The following RNF216 variants were observed in gnomAD, a reference collection of about 807,000 sequenced individuals.
RNF216 encodes the protein E3 ubiquitin-protein ligase RNF216.
A neutral mutation model predicts 110.8 loss-of-function variants in RNF216; 72 were observed. The observed-to-expected ratio is 0.65, with a 90% CI of 0.54 to 0.79. RNF216 has a LOEUF of 0.79. RNF216 is among the 30% of genes least tolerant of loss of function. The pLI, the probability that RNF216 is intolerant of heterozygous loss-of-function variation, is 0.00. For missense variants in RNF216, 1,342 were observed against 1,141.2 expected (o/e 1.18, Z -2.54); for synonymous variants, 495 against 407.5 (o/e 1.21, Z -2.59).
chr7:5,768,189 G>C (rs893158071), intron 1 of RNF216, among the ~76,000 whole-genome samples: 2 of 151,446 alleles, frequency 1.3e-5, no homozygotes, highest in Non-Finnish European at 2.9e-5. Context: ...GGTAGCTCAT[G>C]CCTGTAATCC....
rs770928352 is a variant in RNF216 at position 5,729,551 on chromosome 7, C to A, written c.1270G>T (p.Asp424Tyr). 1 of 1,613,920 alleles carries A rather than the reference C, an allele frequency of 6.2e-7. No individual in the cohort carries two copies. The highest frequency in any genetic ancestry group is 8.5e-7 in the Non-Finnish European group (1 of 1,180,028). Residue 424 changes from aspartate (D) to tyrosine (Y), a missense_variant, in exon 7 of 17, where the codon GAC becomes TAC. Physicochemically the swap from Asp to Tyr is radical, Grantham distance 160 (BLOSUM62 -3). Transcript: ENST00000389902. ...FFDYSKLTPL[D>Y]QRCFIQAADL... The stretch of plus-strand genomic sequence containing the variant: ...GCAGCTTGGATGAAGCAGCGCTGGT[C>A]AAGAGGGGTCAATTTAGAATAGTCA...
rs371149121 is a variant in RNF216, at chr7:5,715,686, T to TATTG, written c.1696-500_1696-497dup. Among the ~76,000 whole-genome samples the TATTG allele has an allele frequency of 8.9e-4, 135 of 152,136 alleles. 1 individual carries two copies. The highest frequency in any genetic ancestry group is 1.5e-3 in the Admixed American group (23 of 15,280). On this transcript the variant is annotated intron_variant, in intron 10 of 16. Transcript: ENST00000389902. ...AGCAACCTCAAGTAATGTACCAGGC[T>TATTG]ATTGACTCCTTTTATTAACTATAGC... is the stretch of plus-strand genomic sequence containing the variant.
chr7:5,752,062 G>A (rs943330607), intron 3 of RNF216, among the ~76,000 whole-genome samples: 2 of 152,046 alleles, frequency 1.3e-5, no homozygotes, highest in African/African-American at 4.8e-5. Flanking sequence ...GCGGGCGCCT[G>A]TAATCCCAGC....
At chr7:5,656,971 T>C (rs574511522) in intron 13 of RNF216, among the ~76,000 whole-genome samples, 3 of 152,224 alleles carry the variant, frequency 2.0e-5, no homozygotes, top group African/African-American at 7.2e-5. Context: ...CAAAAGAAAA[T>C]CTGAGCCCAC....
chr7:5,638,298 C>T (rs1308593779), intron 15 of RNF216, among the ~76,000 whole-genome samples: 1 of 152,188 alleles, frequency 6.6e-6, no homozygotes, highest in Non-Finnish European at 1.5e-5. Flanking sequence ...GACATATCTC[C>T]TGTTTTTTGG....
At chr7:5,737,686 C>T (rs1164008530) in intron 5 of RNF216, among the ~76,000 whole-genome samples, 3 of 152,200 alleles carry the variant, frequency 2.0e-5, no homozygotes. Context: ...TGGAAAGGGG[C>T]CCTTCCTTCT....
intron 13 of RNF216, among the ~76,000 whole-genome samples, chr7:5,655,315 G>A (rs1270727330): frequency 6.6e-6 from 1 of 152,168 alleles, no homozygotes; most frequent in Non-Finnish European, 1.5e-5. Flanking sequence ...GGGTCCCGGA[G>A]AACATATCTG....
intron 13 of RNF216, among the ~76,000 whole-genome samples, chr7:5,705,972 C>T (rs1584483201): frequency 6.6e-6 from 1 of 150,932 alleles, no homozygotes; most frequent in Admixed American, 6.6e-5. Context: ...CAAAACACCA[C>T]TCTGGGAGGC....
At chr7:5,714,164 T>C (rs1792895172) in intron 11 of RNF216, among the ~76,000 whole-genome samples, 1 of 152,196 alleles carries the variant, frequency 6.6e-6, no homozygotes, top group South Asian at 2.1e-4. Context: ...GGTTTCACCA[T>C]GTTGGCCAGG....
chr7:5,673,705 G>A (rs768141455), intron 13 of RNF216, among the ~76,000 whole-genome samples: 1 of 152,096 alleles, frequency 6.6e-6, no homozygotes, highest in Non-Finnish European at 1.5e-5. Context: ...GCATGACCTT[G>A]TCTCTACAAA....
intron 4 of RNF216, 61 bp downstream of exon 4, chr7:5,740,912 A>G (rs1794716218): frequency 6.7e-7 from 1 of 1,488,756 alleles, no homozygotes; most frequent in Non-Finnish European, 8.9e-7. Context: ...CAATGAAAAA[A>G]AAAAAAGAAA....
chr7:5,741,854 C>T, intron 3 of RNF216, 39 bp from the exon 4 acceptor site: 1 of 1,554,662 alleles, frequency 6.4e-7, no homozygotes, highest in East Asian at 2.2e-5. Context: ...AATTTCTTTC[C>T]TATGCCTATC....
intron 13 of RNF216, among the ~76,000 whole-genome samples, chr7:5,689,175 G>A (rs1791170350): frequency 6.6e-6 from 1 of 152,026 alleles, no homozygotes; most frequent in East Asian, 1.9e-4. Context: ...GGGTCCTGGA[G>A]TGCAGCGCTA....
intron 13 of RNF216, among the ~76,000 whole-genome samples, chr7:5,693,444 CTGCTGATGGGTAT>C (rs1224107645): frequency 2.0e-5 from 3 of 152,166 alleles, no homozygotes; most frequent in Admixed American, 6.5e-5. Context: ...AAATTGTTCC[CTGCTGATGGGTAT>C]TGCATTGGAT....
chr7:5,769,586 T>C (rs1383215202), intron 1 of RNF216, among the ~76,000 whole-genome samples: 1 of 150,740 alleles, frequency 6.6e-6, no homozygotes, highest in Non-Finnish European at 1.5e-5. Flanking sequence ...TAGATGGGCA[T>C]GGTGGCATGC....
intron 2 of RNF216, chr7:5,760,628 G>C (rs1484231153): frequency 3.3e-6 from 1 of 302,662 alleles, no homozygotes; most frequent in Non-Finnish European, 6.4e-6. Context: ...TAAGCATCAT[G>C]GGAAGACAAG....
chr7:5,624,197 A>C lies in RNF216; in HGVS notation c.2383-72T>G. ...GCTGAGGCCCCGTGGGACAGTGAGG[A>C]GGCCGCTTGTTGCTTATGGCCATGG... On this transcript the variant is annotated intron_variant, in intron 15 of 16. Coordinates refer to ENST00000389902, the MANE Select transcript of RNF216 (RefSeq NM_207111.4). The surrounding 1 kb of genome is among the most constrained non-coding windows in gnomAD (Gnocchi z 4.4). 2.3e-6 allele frequency: 3 copies of C among 1,326,470 alleles called. No individual in the cohort carries two copies. The highest frequency in any genetic ancestry group is 3.2e-6 in the Non-Finnish European group (3 of 938,946). The allele number at this position is 1,326,470 out of a possible 1,614,324, so 82.2% of individuals were successfully genotyped here. A position where few individuals can be genotyped will look rare whatever the true frequency, so the allele number is the denominator to read the frequency against.
At chr7:5,763,885 G>T (rs934576297) in intron 1 of RNF216, among the ~76,000 whole-genome samples, 6 of 152,072 alleles carry the variant, frequency 3.9e-5, no homozygotes, top group Non-Finnish European at 4.4e-5. Context: ...TATCAATAAA[G>T]ATTTTAAAAA....
intron 14 of RNF216, among the ~76,000 whole-genome samples, chr7:5,648,098 C>T (rs960724482): frequency 6.7e-6 from 1 of 149,958 alleles, no homozygotes; most frequent in Non-Finnish European, 1.5e-5. Flanking sequence ...CTAATCAAGC[C>T]TTTAGCTCTA....
Sources: gnomAD v4.1 joint callset for allele counts (sites outside exome capture counted in the v4.1 genomes callset) on GRCh38, gnomAD v4.1.1 for gene constraint, Gnocchi (gnomAD v3.1) non-coding constraint, MANE v1.5 for transcripts, NCBI Gene and HGNC (gene_info 2026-07-23, HGNC 2026-07-21) for gene names.